RPGRIP1: variants seen among roughly 807,000 people sequenced by gnomAD.
RPGRIP1 encodes RPGR interacting protein 1.
RPGRIP1 carries 128 observed loss-of-function variants against 157.9 expected under a neutral mutation model. The ratio of observed to expected loss-of-function variants is 0.81; its 90% CI spans 0.70 to 0.94. The LOEUF (loss-of-function observed/expected upper bound fraction) is 0.94, where lower values mean the gene tolerates loss of function less well. Ranked by LOEUF, RPGRIP1 falls within the 40% of genes least tolerant of loss-of-function variation. The probability of loss-of-function intolerance (pLI) is 0.00; values close to 1 mark genes in which losing one functional copy is unlikely to be tolerated. For synonymous variants in RPGRIP1, 554 were observed against 571.6 expected, an observed-to-expected ratio of 0.97 and a Z score of 0.44; for missense variants, 1,486 against 1,545.8, an observed-to-expected ratio of 0.96 and a Z score of 0.65.
At chr14:21,317,203 A>G (rs1369258228) in intron 10 of RPGRIP1, among the ~76,000 whole-genome samples, 1 of 152,162 alleles carries the variant, frequency 6.6e-6, no homozygotes, top group South Asian at 2.1e-4. Flanking sequence ...AGCTTGATAC[A>G]ATAGGGTGGA....
Position 21,307,763 on chromosome 14 carries a change from G to T in RPGRIP1, c.833G>T (p.Arg278Leu). 6.4e-7 allele frequency: 1 copy of T among 1,567,424 alleles called. No homozygotes were observed. The highest frequency in any genetic ancestry group is 1.2e-5 in the South Asian group (1 of 84,386). Residue 278 changes from arginine (R) to leucine (L), a missense_variant, in exon 7 of 25, where the codon CGA (arginine) becomes CTA (leucine). Arg to Leu is a moderately radical substitution (Grantham distance 102). Transcript: ENST00000400017. ...ASIKEKVELIRLKKLLHERNA... is the reference protein window; with the variant it reads ...ASIKEKVELILLKKLLHERNA... Reference sequence around the variant, plus strand: ...ATTAAAGAGAAGGTAGAGCTGATTCGACTTAAGAAGCTCTTACATGAAAGA... The same window carrying T: ...ATTAAAGAGAAGGTAGAGCTGATTCTACTTAAGAAGCTCTTACATGAAAGA...
At chr14:21,299,046 G>A (rs998392004) in intron 3 of RPGRIP1, among the ~76,000 whole-genome samples, 2 of 143,574 alleles carry the variant, frequency 1.4e-5, no homozygotes, top group African/African-American at 5.1e-5. Context: ...TGGGAGTTTC[G>A]CTCTTGTTGC....
At chr14:21,306,074 T>TA (rs1881285879) in intron 6 of RPGRIP1, among the ~76,000 whole-genome samples, 1 of 132,442 alleles carries the variant, frequency 7.6e-6, no homozygotes, top group South Asian at 2.6e-4. Context: ...TTTCAAACAA[T>TA]AAAGAAAACG....
At chr14:21,299,833 T>C (rs913555035) in intron 3 of RPGRIP1, among the ~76,000 whole-genome samples, 2 of 152,156 alleles carry the variant, frequency 1.3e-5, no homozygotes, top group African/African-American at 2.4e-5. Flanking sequence ...AAGCTGGAAG[T>C]CTGAGATCAA....
chr14:21,282,851 C>A (rs1880181429), intron 1 of RPGRIP1, among the ~76,000 whole-genome samples: 1 of 152,024 alleles, frequency 6.6e-6, no homozygotes, highest in African/African-American at 2.4e-5. Flanking sequence ...ACCTTGTGAT[C>A]CACCCATCTC....
chr14:21,319,559 A>C (rs1882177987), intron 11 of RPGRIP1, among the ~76,000 whole-genome samples: 1 of 152,012 alleles, frequency 6.6e-6, no homozygotes, highest in East Asian at 1.9e-4. Context: ...AGACTGTCTA[A>C]AGAGAAAAAC....
intron 1 of RPGRIP1, 36 bp from the exon 2 acceptor site, chr14:21,287,903 T>A: frequency 1.1e-6 from 1 of 934,518 alleles, no homozygotes; most frequent in Non-Finnish European, 1.7e-6. Flanking sequence ...CATCCTAAAG[T>A]TGCATGTAAC....
At chr14:21,319,895 G>T in intron 11 of RPGRIP1, 122 bp from the exon 12 acceptor site, 1 of 965,632 alleles carries the variant, frequency 1.0e-6, no homozygotes. Flanking sequence ...ATAGAGAATT[G>T]CTTCTCAAAT....
intron 1 of RPGRIP1, among the ~76,000 whole-genome samples, chr14:21,282,798 G>C (rs1041420190): frequency 3.3e-5 from 5 of 151,716 alleles, no homozygotes; most frequent in African/African-American, 1.2e-4. Context: ...TTGTAGTAGA[G>C]ATGGAGTTTC....
At position 21,334,766 on chromosome 14, in the gene RPGRIP1, G is replaced by A. The variant is rs1484913039; in HGVS notation, c.3339+61G>A. 3 of 1,144,268 alleles carry A rather than the reference G, an allele frequency of 2.6e-6. No homozygotes were observed. In the African/African-American group the frequency reaches 4.7e-5, roughly 18 times the overall value. 70.9% of individuals were successfully genotyped at this position (1,144,268 alleles called of 1,614,324 possible). A position where few individuals can be genotyped will look rare whatever the true frequency, so the allele number is the denominator to read the frequency against. The stretch of plus-strand genomic sequence containing the variant: ...AGACGATAAATAATGACAGTGGCCA[G>A]TCATGGGGGCTCACGCCTGTAATCC... On this transcript the variant is annotated intron_variant, in intron 21 of 24. Transcript: ENST00000400017.
At chr14:21,313,114 G>A (rs1363323756) in intron 10 of RPGRIP1, among the ~76,000 whole-genome samples, 2 of 151,892 alleles carry the variant, frequency 1.3e-5, no homozygotes, top group African/African-American at 4.8e-5. Context: ...GGGATTACAG[G>A]CACGAGCCAC....
chr14:21,293,508 C>T (rs1019253576), intron 2 of RPGRIP1, among the ~76,000 whole-genome samples: 2 of 151,884 alleles, frequency 1.3e-5, no homozygotes, highest in African/African-American at 2.4e-5. Flanking sequence ...TTTGGGAGGC[C>T]GAGGCAGGTG....
At chr14:21,322,916 A>G (rs2139217522) in intron 14 of RPGRIP1, among the ~76,000 whole-genome samples, 1 of 152,292 alleles carries the variant, frequency 6.6e-6, no homozygotes, top group African/African-American at 2.4e-5. Flanking sequence ...TTGTTTGTCA[A>G]GACACTTGGC....
At chr14:21,301,725 A>AGTAAT (rs59588709) in intron 4 of RPGRIP1, among the ~76,000 whole-genome samples, 6 of 87,396 alleles carry the variant, frequency 6.9e-5, no homozygotes, top group African/African-American at 2.5e-4. Context: ...ATAATAATAA[A>AGTAAT]AAATTAGCCA....
At chr14:21,330,821 G>T (rs981606415) in intron 20 of RPGRIP1, among the ~76,000 whole-genome samples, 19 of 152,172 alleles carry the variant, frequency 1.2e-4, no homozygotes, top group Non-Finnish European at 2.8e-4. Context: ...TTACAAGTGT[G>T]ATGGTTGGGT....
chr14:21,300,718 T>TC (rs1880987404), intron 3 of RPGRIP1, among the ~76,000 whole-genome samples: 2 of 145,708 alleles, frequency 1.4e-5, no homozygotes, highest in African/African-American at 2.5e-5. Flanking sequence ...TTTTTTTTTT[T>TC]TTTTTTTTTT....
rs1880359096 is a variant in RPGRIP1 at position 21,287,987 on chromosome 14, T to A, written c.11T>A (p.Leu4Gln). The change falls in exon 2 of 25, where the codon CTG becomes CAG. Residue 4 changes from leucine (L) to glutamine (Q), a missense_variant. Transcript: ENST00000400017. Reference sequence around the variant, plus strand: ...TTGGGAACAGAGATCATGTCACATCTGGTGGACCCTACATCAGGAGACTTG... The same window carrying A: ...TTGGGAACAGAGATCATGTCACATCAGGTGGACCCTACATCAGGAGACTTG... MSH[L>Q]VDPTSGDLPV... The A allele has an allele frequency of 6.2e-7, 1 of 1,612,146 alleles. No homozygotes were observed. Among genetic ancestry groups the A allele is most frequent in the Non-Finnish European group, 8.5e-7 (1 of 1,178,346 alleles).
intron 24 of RPGRIP1, among the ~76,000 whole-genome samples, chr14:21,348,585 C>T (rs1417762961): frequency 6.6e-6 from 1 of 151,618 alleles, no homozygotes; most frequent in African/African-American, 2.4e-5. Context: ...CAAATTTATA[C>T]ATCAGAATTT....
chr14:21,305,787 A>C (rs921845544), intron 6 of RPGRIP1, among the ~76,000 whole-genome samples: 2 of 152,082 alleles, frequency 1.3e-5, no homozygotes, highest in African/African-American at 4.8e-5. Context: ...CTTGAACCCG[A>C]GAGGCAGGGG....
Sources: allele counts gnomAD v4.1 joint callset (sites outside exome capture counted in the v4.1 genomes callset), GRCh38; gene constraint gnomAD v4.1.1; transcripts MANE v1.5; gene names NCBI Gene and HGNC (gene_info 2026-07-23, HGNC 2026-07-21).